The following LDLRAP1 variants were observed in gnomAD, a reference collection of about 807,000 sequenced individuals.
LDLRAP1 encodes low density lipoprotein receptor adaptor protein 1, also known as low density lipoprotein receptor adapter protein 1.
In LDLRAP1, 30 loss-of-function variants were observed where a neutral mutation model predicts 37.8. The ratio of observed to expected loss-of-function variants is 0.79; its 90% CI spans 0.59 to 1.08. The LOEUF (loss-of-function observed/expected upper bound fraction) is 1.08, where lower values mean the gene tolerates loss of function less well. Ranked by LOEUF, LDLRAP1 falls within the 50% of genes least tolerant of loss-of-function variation. LDLRAP1 has a pLI of 0.00. For missense variants in LDLRAP1, 375 were observed against 401.6 expected (o/e 0.93, Z 0.57); for synonymous variants, 156 against 169.8 (o/e 0.92, Z 0.63).
the LDLRAP1 span, among the ~76,000 whole-genome samples, chr1:25,584,460 G>A: frequency 2.6e-5 from 4 of 152,184 alleles, no homozygotes; most frequent in Admixed American, 6.5e-5. Flanking sequence ...CTCTTCCCCT[G>A]CTCAGACAGG....
intron 1 of LDLRAP1, among the ~76,000 whole-genome samples, chr1:25,545,635 T>TC (rs2043915928): frequency 6.6e-6 from 1 of 151,928 alleles, no homozygotes; most frequent in Non-Finnish European, 1.5e-5. Flanking sequence ...GGAGCACCTC[T>TC]CCCCCTCCTC....
At chr1:25,557,022 T>C (rs532442434) in intron 3 of LDLRAP1, 131 bp from the exon 4 acceptor site, 2 of 750,606 alleles carry the variant, frequency 2.7e-6, no homozygotes, top group East Asian at 5.4e-5. Flanking sequence ...CAAGGCTGGA[T>C]TCCCAGAGTC....
intron 1 of LDLRAP1, chr1:25,553,580 G>A (rs1008849367): frequency 3.7e-5 from 13 of 349,828 alleles, no homozygotes; most frequent in East Asian, 3.4e-4. Flanking sequence ...GACCCAGCAC[G>A]GTGGCTCATG....
intron 5 of LDLRAP1, 132 bp downstream of exon 5, chr1:25,562,848 G>A (rs986884948): frequency 1.3e-5 from 11 of 844,458 alleles, no homozygotes; most frequent in Admixed American, 4.3e-5. Context: ...TCCCTTCACC[G>A]CTCAGAGTCT....
chr1:25,562,829 G>A, intron 5 of LDLRAP1, 113 bp downstream of exon 5: 2 of 980,346 alleles, frequency 2.0e-6, no homozygotes, highest in Non-Finnish European at 3.2e-6. Context: ...GCTTGTGACT[G>A]TGAGCAGGTC....
chr1:25,547,528 A>T (rs1446169421), intron 1 of LDLRAP1, among the ~76,000 whole-genome samples: 2 of 151,960 alleles, frequency 1.3e-5, no homozygotes, highest in Non-Finnish European at 2.9e-5. Flanking sequence ...AAATAAATAA[A>T]GCAAATTACC....
At chr1:25,562,063 G>A (rs1018443763) in intron 4 of LDLRAP1, among the ~76,000 whole-genome samples, 7 of 152,098 alleles carry the variant, frequency 4.6e-5, no homozygotes, top group African/African-American at 9.7e-5. Flanking sequence ...TTTGGTCCCC[G>A]GGCCTTCATT....
At chr1:25,576,003 C>T in the LDLRAP1 span, among the ~76,000 whole-genome samples, 8 of 146,378 alleles carry the variant, frequency 5.5e-5, no homozygotes, top group Non-Finnish European at 3.0e-5. Context: ...CCAAGGTGAG[C>T]GGATCAGTTG....
downstream of LDLRAP1, among the ~76,000 whole-genome samples, chr1:25,571,481 A>G (rs573471593): frequency 1.2e-4 from 18 of 152,376 alleles, no homozygotes; most frequent in Middle Eastern, 6.8e-3. Flanking sequence ...GAGGGTGCAC[A>G]TCTTGAACAC....
rs1477640274 is a variant in LDLRAP1 at position 25,544,705 on chromosome 1, AAG to A, written c.88+924_88+925del. Among the ~76,000 whole-genome samples, 6 of 151,968 alleles carry A rather than the reference AAG, an allele frequency of 3.9e-5. No individual in the cohort carries two copies. Among genetic ancestry groups the A allele is most frequent in the African/African-American group, 1.5e-4 (6 of 41,358 alleles). On this transcript the variant is annotated intron_variant, in intron 1 of 8. Transcript: ENST00000374338. The surrounding 1 kb of genome is among the most constrained non-coding windows in gnomAD (Gnocchi z 4.8). ...GCAGGTCTCGTTGTTTGGGAGGGAG[AAG>A]AGAGTGGCTTGCCTGGGGTCACACA...
At chr1:25,565,283 C>G (rs78059413) in intron 8 of LDLRAP1, 76 bp downstream of exon 8, 3 of 1,519,762 alleles carry the variant, frequency 2.0e-6, no homozygotes, top group Non-Finnish European at 2.7e-6. Context: ...TCCTGGGGAC[C>G]TTTCCCCTGA....
In LDLRAP1 at chr1:25,554,147, A is replaced by C; in HGVS notation, c.231+83A>C. On this transcript the variant is annotated intron_variant, in intron 2 of 8. Transcript: ENST00000374338. The surrounding 1 kb of genome is among the most constrained non-coding windows in gnomAD (Gnocchi z 5.4). ...CAGGGTGCCCTCGTCCCAGCTTGTT[A>C]CTCCAGTTGGGTGTGTCTGAGCCTG... The C allele has an allele frequency of 6.5e-7, 1 of 1,544,244 alleles. No individual in the cohort carries two copies. Among genetic ancestry groups the C allele is most frequent in the Non-Finnish European group, 8.8e-7 (1 of 1,131,224 alleles).
At chr1:25,566,386 A>G (rs1410361978) in intron 8 of LDLRAP1, among the ~76,000 whole-genome samples, 2 of 152,200 alleles carry the variant, frequency 1.3e-5, no homozygotes, top group Non-Finnish European at 2.9e-5. Context: ...TCTTAAGGGA[A>G]GCTGCTATAA....
Position 25,563,767 on chromosome 1 carries a change from C to G in LDLRAP1, c.723C>G (p.Ala241=). The change falls in exon 7 of 9, where the codon GCC becomes GCG. Residue 241 remains alanine (A), a synonymous_variant. Transcript: ENST00000374338. ...TNMDEVPRPQ[A]LSGSSVVWEL... ...TGGACGAGGTGCCGCGGCCACAAGC[C>G]TTGAGTGGCAGCAGTGTTGTCTGGG... 1 of 1,614,002 alleles carries G rather than the reference C, an allele frequency of 6.2e-7. No homozygotes were observed. The highest frequency in any genetic ancestry group is 8.5e-7 in the Non-Finnish European group (1 of 1,180,020).
chr1:25,563,551 C>T lies in LDLRAP1; in HGVS notation c.617-110C>T, dbSNP rs1042741065. 379 of 1,478,198 alleles carry T rather than the reference C, an allele frequency of 2.6e-4. 3 individuals carry two copies. The highest frequency in any genetic ancestry group is 1.7e-4 in the Middle Eastern group (1 of 5,886). 91.6% of individuals were successfully genotyped at this position (1,478,198 alleles called of 1,614,324 possible). A position where few individuals can be genotyped will look rare whatever the true frequency, so the allele number is the denominator to read the frequency against. On this transcript the variant is annotated intron_variant, in intron 6 of 8. Coordinates refer to ENST00000374338, the MANE Select transcript of LDLRAP1 (RefSeq NM_015627.3). The stretch of plus-strand genomic sequence containing the variant: ...GCCAGGGCCGGGCTCTGCTGGGAGG[C>T]CTGGGCAAGGCCACATCAGAGGGGA...
downstream of LDLRAP1, among the ~76,000 whole-genome samples, chr1:25,569,208 T>G (rs1020607092): frequency 2.6e-5 from 4 of 152,234 alleles, no homozygotes; most frequent in African/African-American, 9.6e-5. Context: ...TGCATGAGGT[T>G]GTGTACGTGT....
the LDLRAP1 span, among the ~76,000 whole-genome samples, chr1:25,582,805 C>T: frequency 6.6e-6 from 1 of 152,044 alleles, no homozygotes; most frequent in Non-Finnish European, 1.5e-5. Flanking sequence ...GGTACGGTGG[C>T]TCACATCTGT....
the LDLRAP1 span, among the ~76,000 whole-genome samples, chr1:25,582,583 CAAAA>C: frequency 2.4e-5 from 3 of 125,022 alleles, no homozygotes; most frequent in African/African-American, 5.4e-5. Flanking sequence ...GACCCCATCT[CAAAA>C]AAAAAAAAAA....
At position 25,543,938 on chromosome 1, in the gene LDLRAP1, G is replaced by T. The variant is rs560543172; in HGVS notation, c.88+152G>T. On this transcript the variant is annotated intron_variant, in intron 1 of 8. Coordinates refer to ENST00000374338, the MANE Select transcript of LDLRAP1 (RefSeq NM_015627.3). ...GGCCCTTTCCCGGCCCTGCGGGGCA[G>T]GGGGTCGGCCGGGGTCAAGTTGTGC... 3.1e-4 allele frequency: 127 copies of T among 409,336 alleles called. 1 individual carries two copies. Among genetic ancestry groups the T allele is most frequent in the African/African-American group, 2.5e-3 (119 of 47,746 alleles). The allele number at this position is 409,336 out of a possible 1,614,324, so 25.4% of individuals were successfully genotyped here.
Sources: allele counts gnomAD v4.1 joint callset (sites outside exome capture counted in the v4.1 genomes callset), GRCh38; gene constraint gnomAD v4.1.1; non-coding constraint Gnocchi (gnomAD v3.1); transcripts MANE v1.5; gene names NCBI Gene and HGNC (gene_info 2026-07-23, HGNC 2026-07-21).